ASPH: variants seen among roughly 807,000 people sequenced by gnomAD.
ASPH encodes aspartate beta-hydroxylase.
In ASPH, 100 loss-of-function variants were observed where a neutral mutation model predicts 118.4. The observed-to-expected ratio is 0.84, with a 90% CI of 0.72 to 1.00. The LOEUF (loss-of-function observed/expected upper bound fraction) is 1.00, where lower values mean the gene tolerates loss of function less well. Among genes scored for constraint, ASPH ranks in the 50% least tolerant of loss-of-function variants. The probability of loss-of-function intolerance (pLI) is 0.00; values close to 1 mark genes in which losing one functional copy is unlikely to be tolerated. For synonymous variants in ASPH, 315 were observed against 325.6 expected, an observed-to-expected ratio of 0.97 and a Z score of 0.35; for missense variants, 920 against 919.5, an observed-to-expected ratio of 1.00 and a Z score of -0.01.
intron 1 of ASPH, chr8:61,687,650 A>G (rs1007538756): frequency 2.0e-5 from 3 of 152,224 alleles, no homozygotes; most frequent in Non-Finnish European, 4.4e-5. Flanking sequence ...AATCCCTGAC[A>G]GTCCTTCAAA....
intron 21 of ASPH, among the ~76,000 whole-genome samples, chr8:61,544,515 G>A (rs905275465): frequency 3.3e-5 from 5 of 152,154 alleles, no homozygotes; most frequent in Non-Finnish European, 5.9e-5. Context: ...TCCTAAAATA[G>A]CAGGTAGAGA....
At chr8:61,528,846 G>A (rs185978528) in intron 21 of ASPH, among the ~76,000 whole-genome samples, 116 of 152,274 alleles carry the variant, frequency 7.6e-4, no homozygotes, top group African/African-American at 2.7e-3. Context: ...TGTACTGGAT[G>A]ACAGACTCGT....
intron 16 of ASPH, among the ~76,000 whole-genome samples, chr8:61,571,068 C>T (rs1280792293): frequency 6.6e-6 from 1 of 152,116 alleles, no homozygotes; most frequent in African/African-American, 2.4e-5. Context: ...AATCTGCTAA[C>T]AAAGAATGAA....
chr8:61,694,198 A>G (rs2151814639), intron 1 of ASPH, among the ~76,000 whole-genome samples: 1 of 152,190 alleles, frequency 6.6e-6, no homozygotes, highest in South Asian at 2.1e-4. Flanking sequence ...CCAGCACACA[A>G]ACCTGCCCTA....
At chr8:61,669,813 T>C (rs1821505977) in intron 3 of ASPH, among the ~76,000 whole-genome samples, 1 of 152,220 alleles carries the variant, frequency 6.6e-6, no homozygotes, top group South Asian at 2.1e-4. Context: ...CCCACTGTTA[T>C]GATCTAGGTA....
intron 21 of ASPH, among the ~76,000 whole-genome samples, chr8:61,538,966 G>T (rs112805137): frequency 1.5e-4 from 23 of 152,254 alleles, no homozygotes; most frequent in Non-Finnish European, 3.2e-4. Context: ...TTTAGGCCAG[G>T]TGTGGTGGCT....
intron 3 of ASPH, chr8:61,662,065 C>T: frequency 5.7e-6 from 2 of 348,828 alleles, no homozygotes; most frequent in Non-Finnish European, 5.2e-6. Flanking sequence ...CAACAAATGA[C>T]CAAAAATTTG....
intron 20 of ASPH, among the ~76,000 whole-genome samples, chr8:61,551,281 G>A (rs755810743): frequency 8.5e-5 from 13 of 152,214 alleles, no homozygotes; most frequent in Admixed American, 2.6e-4. Flanking sequence ...CAGAGGCTGT[G>A]GCTTTGCTTT....
intron 1 of ASPH, among the ~76,000 whole-genome samples, chr8:61,705,413 A>T (rs1275998187): frequency 6.6e-6 from 1 of 152,218 alleles, no homozygotes; most frequent in African/African-American, 2.4e-5. Flanking sequence ...GCTTAAAAAA[A>T]ATTGTGCTAT....
At chr8:61,552,928 G>A (rs1826511839) in intron 20 of ASPH, 103 bp downstream of exon 20, 1 of 985,622 alleles carries the variant, frequency 1.0e-6, no homozygotes, top group African/African-American at 1.6e-5. Flanking sequence ...GCTTTCGAAA[G>A]TTCACACTCA....
chr8:61,576,337 T>C (rs1056908195), intron 16 of ASPH, among the ~76,000 whole-genome samples: 1 of 152,118 alleles, frequency 6.6e-6, no homozygotes, highest in African/African-American at 2.4e-5. Flanking sequence ...TGCTAAGAAA[T>C]GAGTCCGTTG....
At chr8:61,549,493 T>A (rs1002860973) in intron 20 of ASPH, among the ~76,000 whole-genome samples, 1 of 152,188 alleles carries the variant, frequency 6.6e-6, no homozygotes, top group African/African-American at 2.4e-5. Context: ...TTAGTTATCT[T>A]TTTTATTAAT....
At chr8:61,673,647 G>A (rs569051068) in intron 3 of ASPH, among the ~76,000 whole-genome samples, 1 of 152,188 alleles carries the variant, frequency 6.6e-6, no homozygotes, top group South Asian at 2.1e-4. Flanking sequence ...ACATGAGGTA[G>A]GAAAAGACTT....
chr8:61,608,807 TC>T (rs1015137587), intron 14 of ASPH, among the ~76,000 whole-genome samples: 1 of 145,568 alleles, frequency 6.9e-6, no homozygotes, highest in African/African-American at 2.8e-5. Flanking sequence ...GTCTGAACTC[TC>T]CCCCATGTGA....
chr8:61,554,073 C>T (rs1586974927), intron 19 of ASPH, among the ~76,000 whole-genome samples: 1 of 152,210 alleles, frequency 6.6e-6, no homozygotes, highest in African/African-American at 2.4e-5. Context: ...CTCTTGCTTT[C>T]CCTATCTCTG....
chr8:61,646,390 G>A (rs1052254056), intron 6 of ASPH, among the ~76,000 whole-genome samples: 1 of 152,170 alleles, frequency 6.6e-6, no homozygotes, highest in African/African-American at 2.4e-5. Context: ...TAATTACAGA[G>A]TTCATGTGTG....
intron 14 of ASPH, among the ~76,000 whole-genome samples, chr8:61,615,778 T>C (rs979874252): frequency 9.9e-5 from 15 of 152,170 alleles, no homozygotes; most frequent in African/African-American, 3.4e-4. Flanking sequence ...TGTCTGCAAA[T>C]GAGGGCCTAT....
chr8:61,644,627 C>T lies in ASPH; in HGVS notation c.625G>A (p.Glu209Lys), dbSNP rs201124803. ...LEPEVSHEETEHSYHVEETVS... is the reference protein window; with the variant it reads ...LEPEVSHEETKHSYHVEETVS... ...GTCTCTTCCACGTGGTAACTATGCT[C>T]GGTTTCTGGAAAAAAAAAAATTAGA... The change falls in exon 7 of 25, where the codon GAG becomes AAG. Residue 209 changes from glutamate to lysine, a missense_variant. By Grantham distance (56) the Glu-to-Lys change is moderately conservative. Transcript: ENST00000379454. 1.2e-5 allele frequency: 19 copies of T among 1,583,686 alleles called. No homozygotes were observed. Among genetic ancestry groups the T allele is most frequent in the Non-Finnish European group, 1.1e-5 (13 of 1,165,358 alleles).
chr8:61,504,552 A>T (rs1163356322), intron 24 of ASPH, among the ~76,000 whole-genome samples: 3 of 152,162 alleles, frequency 2.0e-5, no homozygotes, highest in African/African-American at 7.2e-5. Context: ...AATACTACAT[A>T]TATTGCAGGG....
Sources: allele counts gnomAD v4.1 joint callset (sites outside exome capture counted in the v4.1 genomes callset), GRCh38; gene constraint gnomAD v4.1.1; transcripts MANE v1.5; gene names NCBI Gene and HGNC (gene_info 2026-07-23, HGNC 2026-07-21).